The following PAM variants were observed in gnomAD, a reference collection of about 807,000 sequenced individuals.
PAM encodes peptidyl-glycine alpha-amidating monooxygenase.
Under a neutral mutation model 122.1 loss-of-function variants are expected in PAM, and 72 were observed. The ratio of observed to expected loss-of-function variants is 0.59; its 90% CI spans 0.49 to 0.72. PAM has a LOEUF of 0.72. Among genes scored for constraint, PAM ranks in the 30% least tolerant of loss-of-function variants. The pLI is 0.00. For synonymous variants in PAM, 389 were observed against 404.4 expected (o/e 0.96, Z 0.46); for missense variants, 1,106 against 1,183.7 (o/e 0.93, Z 0.96).
chr5:102,802,400 G>T (rs1381483035), intron 1 of PAM, among the ~76,000 whole-genome samples: 1 of 152,076 alleles, frequency 6.6e-6, no homozygotes, highest in African/African-American at 2.4e-5. Context: ...TTAAATGAAA[G>T]TGAAATTAAA....
chr5:102,828,536 T>C lies in PAM; in HGVS notation c.-373-37287T>C, dbSNP rs375842841. 3.9e-5 allele frequency among the ~76,000 whole-genome samples: 6 copies of C among 152,290 alleles called. No homozygotes were observed. The East Asian group carries it at 9.7e-4, about 24-fold the overall frequency. Reference sequence around the variant, plus strand: ...CCCTTAACTGCTATCTGTGCTCTGATTGGCCTAGTGTAGGTTACTTACCCT... The same window carrying C: ...CCCTTAACTGCTATCTGTGCTCTGACTGGCCTAGTGTAGGTTACTTACCCT... On this transcript the variant is annotated intron_variant, in intron 1 of 25. Coordinates refer to ENST00000438793, the MANE Select transcript of PAM (RefSeq NM_001177306.2).
rs754720326 is a variant in PAM, at chr5:102,803,181, G to A, written c.-374+47833G>A. Among the ~76,000 whole-genome samples the A allele has an allele frequency of 5.1e-3, 122 of 23,810 alleles. 4 individuals carry two copies. The highest frequency in any genetic ancestry group is 0.015 in the African/African-American group (117 of 7,786). The allele number at this position is 23,810 out of a possible 152,430, so 15.6% of individuals were successfully genotyped here. ...AGGAAGGAAGGAAGGAAGGAAGGAA[G>A]GAAGGAAGGAAGGAAGGAAGGAAGG... On this transcript the variant is annotated intron_variant, in intron 1 of 25. Coordinates refer to ENST00000438793, the MANE Select transcript of PAM (RefSeq NM_001177306.2).
chr5:102,798,620 A>G (rs1763943243), intron 1 of PAM, among the ~76,000 whole-genome samples: 1 of 152,162 alleles, frequency 6.6e-6, no homozygotes, highest in Non-Finnish European at 1.5e-5. Flanking sequence ...TTCACCCAGC[A>G]TGGGTTCATG....
At chr5:102,847,785 CAATT>C (rs887767205) in intron 1 of PAM, among the ~76,000 whole-genome samples, 12 of 151,988 alleles carry the variant, frequency 7.9e-5, no homozygotes, top group Non-Finnish European at 1.0e-4. Flanking sequence ...TAAAGAAACT[CAATT>C]AAAACTGAAA....
chr5:103,029,887 C>T (rs927702618), downstream of PAM: 8 of 152,098 alleles, frequency 5.3e-5, no homozygotes, highest in Admixed American at 3.9e-4. Flanking sequence ...AAATTAAAAA[C>T]CAGCCTGAGT....
In PAM at chr5:102,875,189, C is replaced by CATT. The variant is rs10549667; in HGVS notation, c.210+7815_210+7817dup. ...TACTGGCTTCATCCTAAATTATTAT[C>CATT]ATTATTATTATTATTATTATTTGAG... On this transcript the variant is annotated intron_variant, in intron 3 of 25. Transcript: ENST00000438793. Among the ~76,000 whole-genome samples, 843 of 149,832 alleles carry CATT rather than the reference C, an allele frequency of 5.6e-3. 7 individuals are homozygous for CATT. Among genetic ancestry groups the CATT allele is most frequent in the South Asian group, 0.022 (103 of 4,734 alleles).
intron 1 of PAM, among the ~76,000 whole-genome samples, chr5:102,761,287 A>G (rs185159914): frequency 8.5e-5 from 13 of 152,352 alleles, no homozygotes; most frequent in African/African-American, 3.1e-4. Context: ...TTAAGGAAAC[A>G]ATCAAAGCAG....
At chr5:102,941,136 T>C (rs1755064739) in intron 7 of PAM, among the ~76,000 whole-genome samples, 2 of 152,196 alleles carry the variant, frequency 1.3e-5, no homozygotes, top group African/African-American at 4.8e-5. Flanking sequence ...AAAGTGCTCT[T>C]ACATTAGGTG....
chr5:102,790,543 C>G (rs540794378), intron 1 of PAM, among the ~76,000 whole-genome samples: 38 of 152,096 alleles, frequency 2.5e-4, no homozygotes, highest in African/African-American at 8.9e-4. Flanking sequence ...GAAACCTATC[C>G]TAATAGTGTG....
chr5:102,774,764 A>G (rs1374077859), intron 1 of PAM, among the ~76,000 whole-genome samples: 3 of 151,818 alleles, frequency 2.0e-5, no homozygotes, highest in Non-Finnish European at 2.9e-5. Flanking sequence ...ATATTTTGCA[A>G]TTCATTTTGT....
At chr5:102,757,050 G>A (rs1449624945) in intron 1 of PAM, among the ~76,000 whole-genome samples, 1 of 152,174 alleles carries the variant, frequency 6.6e-6, no homozygotes, top group Non-Finnish European at 1.5e-5. Context: ...TCATTTGGCC[G>A]GCTGCGGTGG....
chr5:102,948,509 A>G lies in PAM; in HGVS notation c.643+64A>G, dbSNP rs145612317. 1.0e-4 allele frequency: 78 copies of G among 777,706 alleles called. No homozygotes were observed. The African/African-American group carries it at 1.3e-3, about 13-fold the overall frequency. 48.2% of individuals were successfully genotyped at this position (777,706 alleles called of 1,614,324 possible). A position where few individuals can be genotyped will look rare whatever the true frequency, so the allele number is the denominator to read the frequency against. On this transcript the variant is annotated intron_variant, in intron 9 of 25. Transcript: ENST00000438793. ...ACCTAATCTGTAGAAATGGATTTATACTGTATTTTTTATAAACTTTAAAAA... is the reference window on the plus strand; with the variant it reads ...ACCTAATCTGTAGAAATGGATTTATGCTGTATTTTTTATAAACTTTAAAAA...
chr5:102,898,389 T>C (rs376229113), intron 3 of PAM, among the ~76,000 whole-genome samples: 1 of 151,338 alleles, frequency 6.6e-6, no homozygotes, highest in South Asian at 2.1e-4. Flanking sequence ...AAATGGAAAA[T>C]TGTGAATGGT....
intron 8 of PAM, among the ~76,000 whole-genome samples, chr5:102,947,930 G>C (rs1757548633): frequency 6.6e-6 from 1 of 152,144 alleles, no homozygotes; most frequent in Non-Finnish European, 1.5e-5. Context: ...TCAAGGAAGG[G>C]TTGATGTTGC....
At chr5:102,805,156 C>T (rs1012298919) in intron 1 of PAM, among the ~76,000 whole-genome samples, 7 of 149,496 alleles carry the variant, frequency 4.7e-5, no homozygotes, top group South Asian at 2.1e-4. Flanking sequence ...CTGCAACCTC[C>T]GCCTCCTGGG....
intron 1 of PAM, among the ~76,000 whole-genome samples, chr5:102,811,996 C>T (rs1768067420): frequency 6.6e-6 from 1 of 152,100 alleles, no homozygotes; most frequent in South Asian, 2.1e-4. Flanking sequence ...GCAAAATTTC[C>T]ATTAGTTAAC....
chr5:102,874,837 A>G (rs1788635080), intron 3 of PAM, among the ~76,000 whole-genome samples: 1 of 152,134 alleles, frequency 6.6e-6, no homozygotes, highest in African/African-American at 2.4e-5. Flanking sequence ...ACATTGTCTC[A>G]TTAATTCCCA....
At chr5:103,006,227 G>A (rs867281819) in intron 18 of PAM, among the ~76,000 whole-genome samples, 2 of 152,098 alleles carry the variant, frequency 1.3e-5, no homozygotes, top group South Asian at 2.1e-4. Context: ...TGTGGCCATC[G>A]TGTCTGGGCC....
At chr5:103,023,017 C>G (rs985304925) in intron 23 of PAM, among the ~76,000 whole-genome samples, 1 of 152,018 alleles carries the variant, frequency 6.6e-6, no homozygotes, top group African/African-American at 2.4e-5. Context: ...TCAGCCAGTT[C>G]CAAAAGTTGG....
Sources: allele counts gnomAD v4.1 joint callset (sites outside exome capture counted in the v4.1 genomes callset), GRCh38; gene constraint gnomAD v4.1.1; transcripts MANE v1.5; gene names NCBI Gene and HGNC (gene_info 2026-07-23, HGNC 2026-07-21).